RGS7: variants seen among roughly 807,000 people sequenced by gnomAD.
The protein encoded by RGS7 is regulator of G-protein signaling 7.
RGS7 carries 27 observed loss-of-function variants against 81.1 expected under a neutral mutation model. The ratio of observed to expected loss-of-function variants is 0.33; its 90% CI spans 0.25 to 0.46. The LOEUF is 0.46. Among genes scored for constraint, RGS7 ranks in the 20% least tolerant of loss-of-function variants. The pLI is 1.00. For synonymous variants in RGS7, 208 were observed against 207.7 expected, an observed-to-expected ratio of 1.00 and a Z score of -0.01; for missense variants, 396 against 607.4, an observed-to-expected ratio of 0.65 and a Z score of 3.66.
chr1:241,310,936 C>T (rs758975344), intron 2 of RGS7, among the ~76,000 whole-genome samples: 2 of 152,234 alleles, frequency 1.3e-5, no homozygotes, highest in African/African-American at 2.4e-5. Context: ...ATCCTTTCAT[C>T]TCGATCCCTG....
intron 2 of RGS7, among the ~76,000 whole-genome samples, chr1:241,281,634 A>G (rs760768975): frequency 6.6e-6 from 1 of 152,222 alleles, no homozygotes; most frequent in African/African-American, 2.4e-5. Flanking sequence ...CAAACAGACA[A>G]TTCATCTTGT....
chr1:241,041,848 G>C (rs1257458607), intron 3 of RGS7, among the ~76,000 whole-genome samples: 2 of 145,192 alleles, frequency 1.4e-5, no homozygotes, highest in East Asian at 3.9e-4. Flanking sequence ...CTACCTTTGA[G>C]AACTAGGTTC....
Position 240,868,152 on chromosome 1 carries a change from A to AAG in RGS7, c.609+433_609+434dup, listed in dbSNP as rs199550417. On this transcript the variant is annotated intron_variant, in intron 9 of 18. Transcript: ENST00000440928. The surrounding 1 kb of genome is among the most constrained non-coding windows in gnomAD (Gnocchi z 5.1). ...AAAGAAAGAAAGAAAGAAAGAAAGA[A>AAG]AGAAAGGACGGAGGGAGGGAAGGAC... is the stretch of plus-strand genomic sequence containing the variant. Among the ~76,000 whole-genome samples the AAG allele has an allele frequency of 0.073, 6,899 of 94,388 alleles. 321 individuals carry two copies. The highest frequency in any genetic ancestry group is 0.17 in the African/African-American group (4,184 of 24,766). 61.9% of individuals were successfully genotyped at this position (94,388 alleles called of 152,430 possible). A position where few individuals can be genotyped will look rare whatever the true frequency, so the allele number is the denominator to read the frequency against.
At chr1:240,825,468 C>G (rs996206857) in intron 10 of RGS7, among the ~76,000 whole-genome samples, 5 of 152,176 alleles carry the variant, frequency 3.3e-5, no homozygotes, top group African/African-American at 1.2e-4. Flanking sequence ...TCCGTTTTCT[C>G]CAACTGTGGA....
At chr1:241,211,003 T>C (rs2074211051) in intron 2 of RGS7, among the ~76,000 whole-genome samples, 1 of 152,088 alleles carries the variant, frequency 6.6e-6, no homozygotes, top group Non-Finnish European at 1.5e-5. Flanking sequence ...TAGTAAATAT[T>C]GGCCAGGTGT....
At chr1:241,032,611 A>G (rs1276391466) in intron 3 of RGS7, among the ~76,000 whole-genome samples, 1 of 152,196 alleles carries the variant, frequency 6.6e-6, no homozygotes, top group Non-Finnish European at 1.5e-5. Context: ...ATCTATGAGC[A>G]TGGGATAGTT....
At chr1:241,302,226 G>A (rs551607987) in intron 2 of RGS7, among the ~76,000 whole-genome samples, 1 of 152,332 alleles carries the variant, frequency 6.6e-6, no homozygotes, top group East Asian at 1.9e-4. Context: ...AAAGTGAAGG[G>A]GGAGGATCAG....
At chr1:240,872,190 T>A (rs1310308201) in intron 6 of RGS7, among the ~76,000 whole-genome samples, 1 of 152,042 alleles carries the variant, frequency 6.6e-6, no homozygotes, top group Non-Finnish European at 1.5e-5. Context: ...GTTGAATGAG[T>A]GAATTAACAA....
chr1:241,278,521 T>G (rs2078318432), intron 2 of RGS7, among the ~76,000 whole-genome samples: 1 of 152,192 alleles, frequency 6.6e-6, no homozygotes, highest in Non-Finnish European at 1.5e-5. Flanking sequence ...TGAGGTTCTT[T>G]GCGGTGCAGA....
At chr1:241,170,969 C>A (rs1352876298) in intron 2 of RGS7, among the ~76,000 whole-genome samples, 1 of 152,148 alleles carries the variant, frequency 6.6e-6, no homozygotes, top group African/African-American at 2.4e-5. Context: ...ATTAGACAAG[C>A]AAAACACTCT....
chr1:241,308,284 A>C (rs2080294302), intron 2 of RGS7, among the ~76,000 whole-genome samples: 1 of 152,224 alleles, frequency 6.6e-6, no homozygotes, highest in Non-Finnish European at 1.5e-5. Flanking sequence ...TGAGAATAGA[A>C]GTAGTCATGA....
chr1:241,247,365 G>T (rs770449383), intron 2 of RGS7, among the ~76,000 whole-genome samples: 7 of 152,136 alleles, frequency 4.6e-5, no homozygotes, highest in Admixed American at 3.3e-4. Flanking sequence ...AGTTGAAATC[G>T]TAGGAAGAAA....
chr1:240,857,321 T>C (rs912057567), intron 9 of RGS7, among the ~76,000 whole-genome samples: 24 of 152,206 alleles, frequency 1.6e-4, no homozygotes, highest in African/African-American at 5.8e-4. Context: ...CAAAGTCCCC[T>C]GTATTATTAA....
At chr1:240,853,085 T>C (rs1482896863) in intron 9 of RGS7, among the ~76,000 whole-genome samples, 2 of 152,196 alleles carry the variant, frequency 1.3e-5, no homozygotes, top group African/African-American at 4.8e-5. Flanking sequence ...AGGTAAAATG[T>C]AGGACATCAT....
chr1:241,052,438 C>T (rs2061300373), intron 3 of RGS7, among the ~76,000 whole-genome samples: 1 of 152,062 alleles, frequency 6.6e-6, no homozygotes, highest in Admixed American at 6.6e-5. Flanking sequence ...AACGTGAAGG[C>T]CGAGCAGTAT....
chr1:241,252,962 G>C (rs2076904557), intron 2 of RGS7, among the ~76,000 whole-genome samples: 1 of 152,192 alleles, frequency 6.6e-6, no homozygotes, highest in South Asian at 2.1e-4. Context: ...GAAGATGCTA[G>C]ACTTTCCAGA....
chr1:240,777,593 A>G (rs548896434), intron 18 of RGS7, among the ~76,000 whole-genome samples: 65 of 152,302 alleles, frequency 4.3e-4, no homozygotes, highest in Non-Finnish European at 7.8e-4. Flanking sequence ...ATAACAGAAA[A>G]CGATAGACTA....
intron 4 of RGS7, among the ~76,000 whole-genome samples, chr1:240,973,789 T>A (rs1174948724): frequency 6.6e-6 from 1 of 151,848 alleles, no homozygotes; most frequent in African/African-American, 2.4e-5. Context: ...AGACGGGGTT[T>A]CACCGTGGTC....
intron 4 of RGS7, among the ~76,000 whole-genome samples, chr1:240,968,918 G>A (rs2148501141): frequency 6.6e-6 from 1 of 152,220 alleles, no homozygotes; most frequent in South Asian, 2.1e-4. Flanking sequence ...AATACAGGAG[G>A]GGGAAAACCT....
Sources: gnomAD v4.1 joint callset for allele counts (sites outside exome capture counted in the v4.1 genomes callset) on GRCh38, gnomAD v4.1.1 for gene constraint, Gnocchi (gnomAD v3.1) non-coding constraint, MANE v1.5 for transcripts, NCBI Gene and HGNC (gene_info 2026-07-23, HGNC 2026-07-21) for gene names.